Variants in LRP1B observed in about 807,000 individuals in gnomAD.
LRP1B encodes low-density lipoprotein receptor-related protein 1B.
In LRP1B, 217 loss-of-function variants were observed where a neutral mutation model predicts 556.6. That is an observed-to-expected ratio of 0.39 (90% confidence interval 0.35 to 0.44). The LOEUF (loss-of-function observed/expected upper bound fraction) is 0.44, where lower values mean the gene tolerates loss of function less well. Ranked by LOEUF, LRP1B falls within the 20% of genes least tolerant of loss-of-function variation. The pLI is 1.00. For missense variants in LRP1B, 5,053 were observed against 5,620.8 expected (o/e 0.90, Z 3.23); for synonymous variants, 2,047 against 1,865.8 (o/e 1.10, Z -2.50).
chr2:142,080,835 CT>C (rs1705686161), intron 1 of LRP1B, among the ~76,000 whole-genome samples: 1 of 152,114 alleles, frequency 6.6e-6, no homozygotes, highest in Admixed American at 6.5e-5. Context: ...GGAGGCTTTC[CT>C]TGTTCAAACC....
chr2:141,799,565 G>A (rs1423674758), intron 2 of LRP1B, among the ~76,000 whole-genome samples: 1 of 152,058 alleles, frequency 6.6e-6, no homozygotes, highest in Non-Finnish European at 1.5e-5. Context: ...CTTGGAGGCT[G>A]ATTCTTCCTC....
At chr2:141,027,584 CTGA>C (rs1432935215) in intron 11 of LRP1B, among the ~76,000 whole-genome samples, 2 of 151,828 alleles carry the variant, frequency 1.3e-5, no homozygotes, top group Non-Finnish European at 2.9e-5. Flanking sequence ...GAAAAAACGG[CTGA>C]TATTTGAATA....
intron 1 of LRP1B, among the ~76,000 whole-genome samples, chr2:141,922,352 AG>A (rs1353122035): frequency 6.6e-6 from 1 of 152,176 alleles, no homozygotes; most frequent in African/African-American, 2.4e-5. Flanking sequence ...ATTTACTCTA[AG>A]GACTTATATC....
chr2:141,101,562 G>A (rs914247304), intron 7 of LRP1B, among the ~76,000 whole-genome samples: 3 of 151,954 alleles, frequency 2.0e-5, no homozygotes, highest in South Asian at 2.1e-4. Flanking sequence ...TAATAAAACC[G>A]ATTTATATTT....
intron 2 of LRP1B, among the ~76,000 whole-genome samples, chr2:141,543,603 T>C (rs1685350494): frequency 6.6e-6 from 1 of 151,522 alleles, no homozygotes; most frequent in Admixed American, 6.6e-5. Flanking sequence ...CACACATCTG[T>C]AGTCCTAGCT....
chr2:141,024,843 C>T (rs1249379835), intron 11 of LRP1B, among the ~76,000 whole-genome samples: 2 of 151,966 alleles, frequency 1.3e-5, no homozygotes, highest in Admixed American at 1.3e-4. Context: ...TGGATGCTTT[C>T]ATATACTGTG....
At chr2:140,895,594 T>G (rs1028699685) in intron 23 of LRP1B, among the ~76,000 whole-genome samples, 4 of 152,188 alleles carry the variant, frequency 2.6e-5, no homozygotes, top group African/African-American at 9.6e-5. Flanking sequence ...CCTGGGTGGC[T>G]TAAGTGTTTA....
chr2:140,399,852 T>C (rs997354919), intron 66 of LRP1B, among the ~76,000 whole-genome samples: 2 of 152,196 alleles, frequency 1.3e-5, no homozygotes, highest in South Asian at 2.1e-4. Context: ...TTTGGATACA[T>C]TGTACATTGT....
chr2:141,553,349 C>T (rs1685824330), intron 2 of LRP1B, among the ~76,000 whole-genome samples: 1 of 151,788 alleles, frequency 6.6e-6, no homozygotes, highest in Non-Finnish European at 1.5e-5. Flanking sequence ...ATTAAAATAT[C>T]AGTATCAAAG....
intron 3 of LRP1B, among the ~76,000 whole-genome samples, chr2:141,392,647 G>T (rs908945317): frequency 2.6e-5 from 4 of 151,976 alleles, no homozygotes; most frequent in African/African-American, 9.7e-5. Flanking sequence ...ATATGAGAAG[G>T]CCCAAAATGG....
At chr2:140,679,677 C>G (rs1386091605) in intron 41 of LRP1B, among the ~76,000 whole-genome samples, 1 of 152,090 alleles carries the variant, frequency 6.6e-6, no homozygotes, top group Non-Finnish European at 1.5e-5. Flanking sequence ...TCAACGACCC[C>G]TTTATTATGA....
intron 2 of LRP1B, among the ~76,000 whole-genome samples, chr2:141,718,065 T>C (rs1305333288): frequency 2.0e-5 from 3 of 152,178 alleles, no homozygotes; most frequent in Non-Finnish European, 4.4e-5. Flanking sequence ...TGTGCAATTA[T>C]CAGATCTTGC....
chr2:140,528,949 T>C (rs553952125), intron 47 of LRP1B, among the ~76,000 whole-genome samples: 1 of 152,072 alleles, frequency 6.6e-6, no homozygotes, highest in South Asian at 2.1e-4. Flanking sequence ...AGAAAGATAC[T>C]GAAATCTCTA....
At chr2:140,931,965 G>A in intron 20 of LRP1B, among the ~76,000 whole-genome samples, 1 of 152,110 alleles carries the variant, frequency 6.6e-6, no homozygotes, top group East Asian at 1.9e-4. Flanking sequence ...AATGTGGATA[G>A]GCTACATTTG....
At chr2:141,083,231 TG>T (rs1699968581) in intron 7 of LRP1B, among the ~76,000 whole-genome samples, 2 of 152,166 alleles carry the variant, frequency 1.3e-5, no homozygotes, top group African/African-American at 4.8e-5. Flanking sequence ...TAATAAAATT[TG>T]TATTACTGTT....
chr2:141,014,621 C>T (rs1001883279), intron 13 of LRP1B, among the ~76,000 whole-genome samples: 2 of 151,872 alleles, frequency 1.3e-5, no homozygotes, highest in Admixed American at 1.3e-4. Context: ...TTAAATTTTG[C>T]TCCTTTTAAC....
chr2:140,702,684 A>C, intron 37 of LRP1B, 131 bp from the exon 38 acceptor site: 1 of 790,086 alleles, frequency 1.3e-6, no homozygotes, highest in Non-Finnish European at 2.0e-6. Flanking sequence ...TCGGAAGTTA[A>C]TATACAGTGT....
chr2:141,903,364 A>G (rs1362225414), intron 1 of LRP1B, among the ~76,000 whole-genome samples: 4 of 151,920 alleles, frequency 2.6e-5, no homozygotes, highest in Non-Finnish European at 4.4e-5. Flanking sequence ...CTGGGCTTCC[A>G]GCTCTGAGGT....
chr2:141,652,340 T>C (rs530166288), intron 2 of LRP1B, among the ~76,000 whole-genome samples: 1 of 152,366 alleles, frequency 6.6e-6, no homozygotes, highest in Admixed American at 6.5e-5. Flanking sequence ...GATAATTTTA[T>C]GATGGAGCTG....
Sources: gnomAD v4.1 joint callset for allele counts (sites outside exome capture counted in the v4.1 genomes callset) on GRCh38, gnomAD v4.1.1 for gene constraint, MANE v1.5 for transcripts, NCBI Gene and HGNC (gene_info 2026-07-23, HGNC 2026-07-21) for gene names.